ANO8: variants seen among roughly 807,000 people sequenced by gnomAD.
ANO8 encodes the protein anoctamin-8.
Under a neutral mutation model 120.4 loss-of-function variants are expected in ANO8, and 67 were observed. The observed-to-expected ratio is 0.56, with a 90% CI of 0.46 to 0.68. The LOEUF is 0.68. Ranked by LOEUF, ANO8 falls within the 30% of genes least tolerant of loss-of-function variation. The pLI, the probability that ANO8 is intolerant of heterozygous loss-of-function variation, is 0.00. For synonymous variants in ANO8, 727 were observed against 759.2 expected (o/e 0.96, Z 0.70); for missense variants, 1,526 against 1,737.6 (o/e 0.88, Z 2.16).
Position 17,332,910 on chromosome 19 carries a change from G to A in ANO8, c.586+20C>T. The A allele has an allele frequency of 6.2e-7, 1 of 1,613,326 alleles. No individual in the cohort carries two copies. Among genetic ancestry groups the A allele is most frequent in the Non-Finnish European group, 8.5e-7 (1 of 1,179,774 alleles). ...ACCCAACTCTCTGCCTGTGATTGGT[G>A]TTGACCCCGCCCTGCTCACTGATTG... is the stretch of plus-strand genomic sequence containing the variant. On this transcript the variant is annotated intron_variant, in intron 5 of 17. Transcript: ENST00000159087.
intron 16 of ANO8, among the ~76,000 whole-genome samples, chr19:17,325,948 C>T (rs764986981): frequency 5.3e-5 from 8 of 152,126 alleles, no homozygotes; most frequent in Non-Finnish European, 1.0e-4. Context: ...AGAAAAAAAG[C>T]GTATTGGGCG....
intron 16 of ANO8, 113 bp downstream of exon 16, chr19:17,327,122 C>G: frequency 3.2e-6 from 3 of 926,442 alleles, no homozygotes; most frequent in Non-Finnish European, 4.8e-6. Flanking sequence ...TTATTATACC[C>G]AGCTCTGTGC....
Position 17,328,302 on chromosome 19 carries a change from CCGGGCCCCCGT to C in ANO8, c.2075_2085del (p.Asp692GlyfsTer13). On this transcript the variant is annotated frameshift_variant, in exon 13 of 18. Coordinates refer to ENST00000159087, the MANE Select transcript of ANO8 (RefSeq NM_020959.3). LOFTEE classifies it high-confidence loss of function. ...TCGCTGTTGGAGCCGGGTTCCGGGTCCGGGCCCCCGTCGGGCCCCTGGTCTCGGCCCTCGCC... is the reference window on the plus strand; with the variant it reads ...TCGCTGTTGGAGCCGGGTTCCGGGTCCGGGCCCCTGGTCTCGGCCCTCGCC... The C allele has an allele frequency of 6.2e-7, 1 of 1,602,102 alleles. No individual in the cohort carries two copies.
Position 17,324,808 on chromosome 19 carries a change from G to A in ANO8, c.3240C>T (p.Ser1080=), listed in dbSNP as rs760147985. ...GGQARPDGTP[S]SGSSRVQRSG... Reference sequence around the variant, plus strand: ...TCCTCTGAACCCGGCTGCTGCCACTGCTGGGGGTCCCATCTGGCCGGGCCT... The same window carrying A: ...TCCTCTGAACCCGGCTGCTGCCACTACTGGGGGTCCCATCTGGCCGGGCCT... The change falls in exon 17 of 18, where the codon AGC becomes AGT. Residue 1080 remains serine, a synonymous_variant. Transcript: ENST00000159087. 3.1e-6 allele frequency: 5 copies of A among 1,602,552 alleles called. No homozygotes were observed. The highest frequency in any genetic ancestry group is 4.3e-6 in the Non-Finnish European group (5 of 1,174,170).
chr19:17,334,618 C>A lies in ANO8; in HGVS notation c.53G>T (p.Gly18Val). 3 of 1,525,554 alleles carry A rather than the reference C, an allele frequency of 2.0e-6. No homozygotes were observed. The South Asian group carries it at 3.6e-5, about 18-fold the overall frequency. 94.5% of individuals were successfully genotyped at this position (1,525,554 alleles called of 1,614,324 possible). ...AGGTSLEGER[G>V]KRPPPEGEPA... is the part of the protein sequence containing the mutation. ...CTCGCCCTCCGGCGGGGGCCTCTTGCCACGCTCGCCCTCCAGGGACGTGCC... is the reference window on the plus strand; with the variant it reads ...CTCGCCCTCCGGCGGGGGCCTCTTGACACGCTCGCCCTCCAGGGACGTGCC... The change falls in exon 1 of 18, where the codon GGC (glycine) becomes GTC (valine). Residue 18 changes from glycine to valine, a missense_variant. Transcript: ENST00000159087.
rs375466365 is a variant in ANO8 at position 17,333,451 on chromosome 19, G to A, written c.321C>T (p.Tyr107=). 106 of 1,613,570 alleles carry A rather than the reference G, an allele frequency of 6.6e-5. No homozygotes were observed. The highest frequency in any genetic ancestry group is 8.2e-5 in the Non-Finnish European group (97 of 1,180,016). ...QVRHHRHTRA[Y]AFFVTATYES... ...CATACGTGGCGGTGACAAAGAAGGCGTAGGCACGCGTGTGGCGGTGGTGGC... is the reference window on the plus strand; with the variant it reads ...CATACGTGGCGGTGACAAAGAAGGCATAGGCACGCGTGTGGCGGTGGTGGC... Residue 107 remains tyrosine, a synonymous_variant, in exon 3 of 18, where the codon TAC becomes TAT. Transcript: ENST00000159087. The surrounding 1 kb of genome is among the most constrained non-coding windows in gnomAD (Gnocchi z 7.2).
Position 17,334,715 on chromosome 19 carries a change from G to C in ANO8, c.-45C>G, listed in dbSNP as rs941453701. ...AGGGGCTACGGACGGCCCGGGCGAC[G>C]GGGAGCCGCGGGCTCATGGGGCCGG... On this transcript the variant is annotated 5_prime_UTR_variant, in exon 1 of 18. Coordinates refer to ENST00000159087, the MANE Select transcript of ANO8 (RefSeq NM_020959.3). 6.0e-6 allele frequency: 8 copies of C among 1,324,682 alleles called. No individual in the cohort carries two copies. Among genetic ancestry groups the C allele is most frequent in the Non-Finnish European group, 7.7e-6 (8 of 1,033,354 alleles). The allele number at this position is 1,324,682 out of a possible 1,614,324, so 82.1% of individuals were successfully genotyped here. A position where few individuals can be genotyped will look rare whatever the true frequency, so the allele number is the denominator to read the frequency against.
Position 17,328,612 on chromosome 19 carries a change from G to GTCC in ANO8, c.1773_1775dup (p.Glu591dup), listed in dbSNP as rs751135659. ...CCTCCTCGTCCTCCTCTTCCTCCTC[G>GTCC]TCCTCCTCCTCCTCGTCGTCCTCGT... On this transcript the variant is annotated inframe_insertion, in exon 13 of 18. Transcript: ENST00000159087. 2.6e-4 allele frequency: 394 copies of GTCC among 1,538,330 alleles called. 5 individuals carry two copies. The highest frequency in any genetic ancestry group is 4.5e-4 in the Middle Eastern group (2 of 4,422).
Position 17,333,597 on chromosome 19 carries a change from G to T in ANO8, c.218-43C>A. 1 of 1,498,500 alleles carries T rather than the reference G, an allele frequency of 6.7e-7. No individual in the cohort carries two copies. Among genetic ancestry groups the T allele is most frequent in the Non-Finnish European group, 9.0e-7 (1 of 1,113,150 alleles). The allele number at this position is 1,498,500 out of a possible 1,614,324, so 92.8% of individuals were successfully genotyped here. ...GACCGATGGCTCCTGCCACGAGGGG[G>T]CCCAAGGCCTCCTACGTATTCCCGT... is the stretch of plus-strand genomic sequence containing the variant. On this transcript the variant is annotated intron_variant, in intron 2 of 17. Coordinates refer to ENST00000159087, the MANE Select transcript of ANO8 (RefSeq NM_020959.3). The surrounding 1 kb of genome is among the most constrained non-coding windows in gnomAD (Gnocchi z 7.2).
intron 13 of ANO8, 107 bp from the exon 14 acceptor site, chr19:17,327,987 C>A: frequency 6.9e-7 from 1 of 1,455,000 alleles, no homozygotes; most frequent in East Asian, 2.4e-5. Flanking sequence ...GGGCCTGTCC[C>A]CATCCTCAGC....
Position 17,323,322 on chromosome 19 carries a change from T to TGG in ANO8, c.*194_*195insCC. On this transcript the variant is annotated 3_prime_UTR_variant, in exon 18 of 18. Coordinates refer to ENST00000159087, the MANE Select transcript of ANO8 (RefSeq NM_020959.3). Reference sequence around the variant, plus strand: ...AATAATCGCCTGTTCTGTGTGTGTGTGTGTGTGTGTGTGTGTGTGTGTTTT... The same window carrying TGG: ...AATAATCGCCTGTTCTGTGTGTGTGTGGGTGTGTGTGTGTGTGTGTGTGTTTT... 3.3e-6 allele frequency: 1 copy of TGG among 305,108 alleles called. No individual in the cohort carries two copies. The highest frequency in any genetic ancestry group is 5.5e-6 in the Non-Finnish European group (1 of 181,944). 18.9% of individuals were successfully genotyped at this position (305,108 alleles called of 1,614,324 possible). A position where few individuals can be genotyped will look rare whatever the true frequency, so the allele number is the denominator to read the frequency against.
Position 17,334,273 on chromosome 19 carries a change from G to T in ANO8, c.106+292C>A, listed in dbSNP as rs555093828. On this transcript the variant is annotated intron_variant, in intron 1 of 17. Transcript: ENST00000159087. Reference sequence around the variant, plus strand: ...ATGATTCTGTATTCTTCGCGGAGAGGCTCTCTCAAGCACATCCCTGGCCCG... The same window carrying T: ...ATGATTCTGTATTCTTCGCGGAGAGTCTCTCTCAAGCACATCCCTGGCCCG... 1.1e-4 allele frequency among the ~76,000 whole-genome samples: 17 copies of T among 152,318 alleles called. 1 individual carries two copies. In the South Asian group the frequency reaches 3.5e-3, roughly 32 times the overall value.
At chr19:17,326,223 G>A (rs2074273127) in intron 16 of ANO8, among the ~76,000 whole-genome samples, 4 of 152,172 alleles carry the variant, frequency 2.6e-5, no homozygotes, top group Admixed American at 2.6e-4. Flanking sequence ...AACCGTGGCT[G>A]CAGGCTGGGT....
At position 17,323,796 on chromosome 19, in the gene ANO8, CCGGGGCAGCGGCATTGGCGGCGGCGGCG is replaced by C; in HGVS notation, c.3392_3419del (p.Ala1131GlyfsTer179). The C allele has an allele frequency of 8.7e-7, 1 of 1,155,048 alleles. No homozygotes were observed. Among genetic ancestry groups the C allele is most frequent in the Non-Finnish European group, 1.1e-6 (1 of 938,220 alleles). 71.5% of individuals were successfully genotyped at this position (1,155,048 alleles called of 1,614,324 possible). A position where few individuals can be genotyped will look rare whatever the true frequency, so the allele number is the denominator to read the frequency against. On this transcript the variant is annotated frameshift_variant, in exon 18 of 18. Transcript: ENST00000159087. LOFTEE classifies it low-confidence loss of function (END_TRUNC). ...AGCAGCCTGCGGGCGGTGTCGGGGG[CCGGGGCAGCGGCATTGGCGGCGGCGGCG>C]CGGGGCTCCGGCTGCGGCGGGTGCG...
chr19:17,327,618 A>G lies in ANO8; in HGVS notation c.2419-49T>C, dbSNP rs114597852. On this transcript the variant is annotated intron_variant, in intron 14 of 17. Coordinates refer to ENST00000159087, the MANE Select transcript of ANO8 (RefSeq NM_020959.3). The stretch of plus-strand genomic sequence containing the variant: ...GGCGGGGTCCAGCCGGCCTCCCCAG[A>G]CCCCAGGCTCCTCCCAGCTGCACCT... 4.5e-3 allele frequency: 7,247 copies of G among 1,608,764 alleles called. 273 individuals are homozygous for G. In the African/African-American group the frequency reaches 0.087, roughly 19 times the overall value.
At chr19:17,329,041 C>T in intron 12 of ANO8, 58 bp from the exon 13 acceptor site, 4 of 1,341,072 alleles carry the variant, frequency 3.0e-6, no homozygotes, top group South Asian at 3.1e-5. Context: ...GCGCCGGGAT[C>T]GGGGGACTCA....
Position 17,333,323 on chromosome 19 carries a change from T to G in ANO8, c.351-84A>C. On this transcript the variant is annotated intron_variant, in intron 3 of 17. Transcript: ENST00000159087. This position sits in a 1 kb window ranked among gnomAD's most constrained non-coding sequence, Gnocchi z 7.2. Reference sequence around the variant, plus strand: ...CTGAGGATGGTGCACCTGGCAGCCTTTGGGACAAACGCAGGGCGGCTGGAT... The same window carrying G: ...CTGAGGATGGTGCACCTGGCAGCCTGTGGGACAAACGCAGGGCGGCTGGAT... 1 of 1,603,558 alleles carries G rather than the reference T, an allele frequency of 6.2e-7. No homozygotes were observed. Among genetic ancestry groups the G allele is most frequent in the Non-Finnish European group, 8.5e-7 (1 of 1,173,492 alleles).
intron 13 of ANO8, 56 bp downstream of exon 13, chr19:17,328,106 G>C (rs974021168): frequency 4.9e-5 from 66 of 1,343,582 alleles, no homozygotes; most frequent in Admixed American, 8.0e-5. Context: ...CCCTCGGACG[G>C]TGTGTCCCGT....
chr19:17,331,422 A>T lies in ANO8; in HGVS notation c.587-11T>A. 6.2e-7 allele frequency: 1 copy of T among 1,611,046 alleles called. No individual in the cohort carries two copies. The highest frequency in any genetic ancestry group is 2.2e-5 in the East Asian group (1 of 44,864). On this transcript the variant is annotated splice_polypyrimidine_tract_variant and intron_variant, in intron 5 of 17. Transcript: ENST00000159087. ...CTGCCAGCTCCGGGACTGTGGAGGGAGGAGCACAGGTGATCCCCGCCCCTC... is the reference window on the plus strand; with the variant it reads ...CTGCCAGCTCCGGGACTGTGGAGGGTGGAGCACAGGTGATCCCCGCCCCTC...
Sources: gnomAD v4.1 joint callset for allele counts (sites outside exome capture counted in the v4.1 genomes callset) on GRCh38, gnomAD v4.1.1 for gene constraint, Gnocchi (gnomAD v3.1) non-coding constraint, MANE v1.5 for transcripts, NCBI Gene and HGNC (gene_info 2026-07-23, HGNC 2026-07-21) for gene names.